The following MRPS9 variants were observed in gnomAD, a reference collection of about 807,000 sequenced individuals.
MRPS9 encodes the protein small ribosomal subunit protein uS9m.
In MRPS9, 45 loss-of-function variants were observed where a neutral mutation model predicts 59.9. The observed-to-expected ratio is 0.75, with a 90% CI of 0.59 to 0.96. MRPS9 has a LOEUF of 0.96. MRPS9 is among the 40% of genes least tolerant of loss of function. MRPS9 has a pLI of 0.00. For missense variants in MRPS9, 473 were observed against 481.1 expected (o/e 0.98, Z 0.16); for synonymous variants, 171 against 166.8 (o/e 1.03, Z -0.19).
chr2:105,050,105 A>AT (rs1194855031), intron 2 of MRPS9, among the ~76,000 whole-genome samples: 3 of 151,702 alleles, frequency 2.0e-5, no homozygotes, highest in Non-Finnish European at 4.4e-5. Flanking sequence ...TCAGACCAAC[A>AT]TTTTTTATTC....
At chr2:105,079,082 C>T (rs1470042875) in intron 4 of MRPS9, among the ~76,000 whole-genome samples, 6 of 152,102 alleles carry the variant, frequency 3.9e-5, no homozygotes, top group Non-Finnish European at 7.4e-5. Context: ...AGGATTCCTT[C>T]ATGGGATGAA....
At chr2:105,040,657 A>G (rs1414995616) in intron 1 of MRPS9, among the ~76,000 whole-genome samples, 4 of 152,218 alleles carry the variant, frequency 2.6e-5, no homozygotes, top group African/African-American at 7.2e-5. Context: ...TAATGCCTCA[A>G]TACAATTGCA....
chr2:105,065,739 C>T (rs1283720329), intron 2 of MRPS9, among the ~76,000 whole-genome samples: 4 of 152,206 alleles, frequency 2.6e-5, no homozygotes, highest in African/African-American at 9.6e-5. Flanking sequence ...ACATAATGGT[C>T]TGCCCAAAAC....
chr2:105,080,737 A>G (rs1178997544), intron 5 of MRPS9, among the ~76,000 whole-genome samples: 1 of 152,158 alleles, frequency 6.6e-6, no homozygotes, highest in African/African-American at 2.4e-5. Context: ...TCATTATATG[A>G]TTTTTTAAAG....
intron 2 of MRPS9, among the ~76,000 whole-genome samples, chr2:105,060,568 A>G (rs1167765503): frequency 1.3e-5 from 2 of 152,118 alleles, no homozygotes. Flanking sequence ...GGCATGAGCC[A>G]CTGCACCTGG....
intron 4 of MRPS9, among the ~76,000 whole-genome samples, chr2:105,073,571 C>G (rs1573435831): frequency 6.6e-6 from 1 of 152,216 alleles, no homozygotes; most frequent in East Asian, 1.9e-4. Context: ...TTATAGTGTA[C>G]TAACACTTTC....
At chr2:105,073,957 A>T (rs901878869) in intron 4 of MRPS9, among the ~76,000 whole-genome samples, 10 of 152,352 alleles carry the variant, frequency 6.6e-5, no homozygotes, top group Admixed American at 6.5e-4. Flanking sequence ...GCAGAGGCCT[A>T]TGGACTATTA....
chr2:105,052,389 G>A (rs1446325554), intron 2 of MRPS9, among the ~76,000 whole-genome samples: 2 of 152,094 alleles, frequency 1.3e-5, no homozygotes, highest in African/African-American at 4.8e-5. Context: ...TTTTGATGAT[G>A]ATTTGGTTTT....
At chr2:105,093,819 TA>T (rs1320577132) in intron 9 of MRPS9, among the ~76,000 whole-genome samples, 181 bp downstream of exon 9, 1 of 152,346 alleles carries the variant, frequency 6.6e-6, no homozygotes, top group East Asian at 1.9e-4. Flanking sequence ...CCAGATTTTT[TA>T]AAAAGCATCT....
At chr2:105,087,780 C>T (rs1470166895) in intron 5 of MRPS9, among the ~76,000 whole-genome samples, 3 of 126,784 alleles carry the variant, frequency 2.4e-5, no homozygotes, top group Non-Finnish European at 3.7e-5. Flanking sequence ...TTCGTCCCTC[C>T]CTCCCTCCCT....
At chr2:105,042,050 A>G (rs1427689069) in intron 1 of MRPS9, among the ~76,000 whole-genome samples, 1 of 152,214 alleles carries the variant, frequency 6.6e-6, no homozygotes, top group Non-Finnish European at 1.5e-5. Flanking sequence ...TGAACGTATC[A>G]GTTATTTATT....
At chr2:105,049,052 C>T (rs1198790585) in intron 1 of MRPS9, 119 bp from the exon 2 acceptor site, 3 of 707,634 alleles carry the variant, frequency 4.2e-6, no homozygotes, top group Non-Finnish European at 6.7e-6. Context: ...ACTCCTGTCA[C>T]TTGAATACCG....
chr2:105,099,510 A>G (rs932696017), intron 10 of MRPS9, among the ~76,000 whole-genome samples, 160 bp from the exon 11 acceptor site: 1 of 152,234 alleles, frequency 6.6e-6, no homozygotes. Context: ...GCAAACTGCC[A>G]TCATGAGGTT....
intron 2 of MRPS9, among the ~76,000 whole-genome samples, chr2:105,064,877 AAGAG>A (rs1006570654): frequency 6.6e-5 from 10 of 152,366 alleles, no homozygotes; most frequent in Middle Eastern, 3.4e-3. Context: ...GACTGGTAAA[AAGAG>A]AAAGATGCAA....
At chr2:105,086,935 G>T (rs956387895) in intron 5 of MRPS9, among the ~76,000 whole-genome samples, 3 of 151,996 alleles carry the variant, frequency 2.0e-5, no homozygotes, top group African/African-American at 7.2e-5. Context: ...TTTGGTGGGG[G>T]GAGTTCTTTA....
chr2:105,093,399 T>C (rs1265623561), intron 8 of MRPS9, 131 bp from the exon 9 acceptor site: 3 of 446,174 alleles, frequency 6.7e-6, no homozygotes, highest in Non-Finnish European at 1.2e-5. Flanking sequence ...TGACTTGAAA[T>C]AATAGTTATA....
intron 5 of MRPS9, among the ~76,000 whole-genome samples, chr2:105,081,888 AC>A (rs1266447799): frequency 6.6e-6 from 1 of 152,242 alleles, no homozygotes; most frequent in Non-Finnish European, 1.5e-5. Flanking sequence ...GTCATTAATT[AC>A]AGCTGCAGTC....
At chr2:105,062,139 C>T (rs1679918300) in intron 2 of MRPS9, among the ~76,000 whole-genome samples, 1 of 152,134 alleles carries the variant, frequency 6.6e-6, no homozygotes. Context: ...TTCTGTTACA[C>T]ACACACACAC....
chr2:105,087,999 C>T (rs989391067), intron 5 of MRPS9, among the ~76,000 whole-genome samples: 3 of 151,808 alleles, frequency 2.0e-5, no homozygotes, highest in Non-Finnish European at 4.4e-5. Flanking sequence ...AGAAGTTGCC[C>T]CTGAAAACTT....
Sources: gnomAD v4.1 joint callset for allele counts (sites outside exome capture counted in the v4.1 genomes callset) on GRCh38, gnomAD v4.1.1 for gene constraint, MANE v1.5 for transcripts, NCBI Gene and HGNC (gene_info 2026-07-23, HGNC 2026-07-21) for gene names.